Variants in NCKAP5 observed in about 807,000 individuals in gnomAD.
NCKAP5 encodes nck-associated protein 5.
Under a neutral mutation model 167.0 loss-of-function variants are expected in NCKAP5, and 92 were observed. The observed-to-expected ratio is 0.55, with a 90% confidence interval of 0.47 to 0.66. The LOEUF is 0.66. Ranked by LOEUF, NCKAP5 falls within the 30% of genes least tolerant of loss-of-function variation. The pLI, the probability that NCKAP5 is intolerant of heterozygous loss-of-function variation, is 0.00. For missense variants in NCKAP5, 2,378 were observed against 2,315.0 expected (o/e 1.03, Z -0.56); for synonymous variants, 891 against 877.4 (o/e 1.02, Z -0.27).
At chr2:133,314,994 G>A (rs1458693802) in intron 3 of NCKAP5, among the ~76,000 whole-genome samples, 1 of 152,218 alleles carries the variant, frequency 6.6e-6, no homozygotes, top group East Asian at 1.9e-4. Context: ...AGAGGCCAGT[G>A]TGGCTGGAGT....
intron 6 of NCKAP5, among the ~76,000 whole-genome samples, chr2:133,071,306 G>C (rs913347053): frequency 6.6e-6 from 1 of 151,790 alleles, no homozygotes; most frequent in African/African-American, 2.4e-5. Flanking sequence ...TTAGCCGGGC[G>C]TAGTGGCGGG....
In NCKAP5 at chr2:132,919,047, C is replaced by T. The variant is rs138764464; in HGVS notation, c.580-40131G>A. On this transcript the variant is annotated intron_variant, in intron 8 of 19. Coordinates refer to ENST00000409261, the MANE Select transcript of NCKAP5 (RefSeq NM_207363.3). ...GAATTTATTGTTTCATTTCATGGACCTACAAGCCATAGTCAAAGGGAGAAA... is the reference window on the plus strand; with the variant it reads ...GAATTTATTGTTTCATTTCATGGACTTACAAGCCATAGTCAAAGGGAGAAA... Among the ~76,000 whole-genome samples the T allele has an allele frequency of 4.6e-5, 7 of 152,268 alleles. No individual in the cohort carries two copies. In the East Asian group the frequency reaches 1.4e-3, roughly 29 times the overall value.
chr2:133,465,829 G>A (rs377515976), intron 3 of NCKAP5, among the ~76,000 whole-genome samples: 3 of 148,230 alleles, frequency 2.0e-5, no homozygotes, highest in African/African-American at 7.5e-5. Context: ...GTCTGTTCAT[G>A]TCCTTCGCCC....
At chr2:132,902,877 C>T (rs1382835625) in intron 8 of NCKAP5, among the ~76,000 whole-genome samples, 1 of 152,164 alleles carries the variant, frequency 6.6e-6, no homozygotes, top group Non-Finnish European at 1.5e-5. Context: ...TCACTTCCGC[C>T]AGATGTGACT....
chr2:133,311,360 GAGA>G (rs1681218270), intron 3 of NCKAP5, among the ~76,000 whole-genome samples: 1 of 152,232 alleles, frequency 6.6e-6, no homozygotes, highest in Non-Finnish European at 1.5e-5. Context: ...CGAGGTATGG[GAGA>G]AGGGGTTCAG....
intron 3 of NCKAP5, among the ~76,000 whole-genome samples, chr2:133,348,403 A>G (rs747571115): frequency 3.9e-5 from 6 of 152,260 alleles, no homozygotes; most frequent in East Asian, 1.9e-4. Context: ...AATATTATAC[A>G]TCACTATGCA....
chr2:133,163,908 A>G (rs1054793828), intron 5 of NCKAP5, among the ~76,000 whole-genome samples: 2 of 152,210 alleles, frequency 1.3e-5, no homozygotes, highest in African/African-American at 2.4e-5. Flanking sequence ...GTACATCTAC[A>G]CTAAATAATT....
chr2:132,807,074 T>C (rs1328366139), intron 11 of NCKAP5, among the ~76,000 whole-genome samples: 1 of 152,030 alleles, frequency 6.6e-6, no homozygotes, highest in Admixed American at 6.6e-5. Context: ...TGTTAAGTAT[T>C]TGGGTTTATT....
At chr2:132,958,161 A>G (rs1016038856) in intron 8 of NCKAP5, among the ~76,000 whole-genome samples, 37 of 152,198 alleles carry the variant, frequency 2.4e-4, no homozygotes, top group African/African-American at 8.7e-4. Flanking sequence ...GGTTACGAAC[A>G]TGAAAATAGC....
At chr2:133,467,846 T>C (rs10201102) in intron 3 of NCKAP5, among the ~76,000 whole-genome samples, 3,997 of 116,602 alleles carry the variant, frequency 0.034, 225 homozygotes, top group Non-Finnish European at 0.046. Context: ...TCTGTGGGAT[T>C]GGTGGTGATA....
chr2:133,443,610 G>T (rs767693775), intron 3 of NCKAP5, among the ~76,000 whole-genome samples: 1 of 152,104 alleles, frequency 6.6e-6, no homozygotes, highest in Admixed American at 6.5e-5. Flanking sequence ...GCCCGCAGCC[G>T]TCTCCAGCAT....
chr2:132,938,302 T>C (rs1158845573), intron 8 of NCKAP5, among the ~76,000 whole-genome samples: 1 of 151,458 alleles, frequency 6.6e-6, no homozygotes, highest in African/African-American at 2.5e-5. Context: ...CCTGGTGGAA[T>C]TTATGAACAG....
At chr2:133,576,352 T>C in the NCKAP5 span, among the ~76,000 whole-genome samples, 2 of 152,242 alleles carry the variant, frequency 1.3e-5, 1 homozygote, top group African/African-American at 4.8e-5. Flanking sequence ...GAAAATAATA[T>C]ATTACTGTGT....
At chr2:133,607,306 C>T in the NCKAP5 span, among the ~76,000 whole-genome samples, 1 of 152,152 alleles carries the variant, frequency 6.6e-6, no homozygotes, top group East Asian at 1.9e-4. Flanking sequence ...TGCTCCCTTC[C>T]CAGTCTACTG....
chr2:133,335,389 G>C (rs1683143933), intron 3 of NCKAP5, among the ~76,000 whole-genome samples: 1 of 152,156 alleles, frequency 6.6e-6, no homozygotes, highest in Non-Finnish European at 1.5e-5. Context: ...GGGTGCTTTA[G>C]CTGGGCTGGG....
At chr2:133,524,187 A>C (rs937107003) in intron 2 of NCKAP5, among the ~76,000 whole-genome samples, 3 of 152,140 alleles carry the variant, frequency 2.0e-5, no homozygotes, top group Admixed American at 6.5e-5. Flanking sequence ...ATGGAACACC[A>C]GTTTAGGAAG....
the NCKAP5 span, among the ~76,000 whole-genome samples, chr2:133,643,341 T>C: frequency 2.6e-5 from 4 of 152,206 alleles, no homozygotes; most frequent in African/African-American, 7.2e-5. Context: ...TACATTTATA[T>C]TGAATATCTG....
At chr2:133,284,334 A>G (rs904634263) in intron 4 of NCKAP5, among the ~76,000 whole-genome samples, 3 of 152,190 alleles carry the variant, frequency 2.0e-5, no homozygotes, top group Non-Finnish European at 4.4e-5. Flanking sequence ...TCTTTACCCA[A>G]CAGGAGGTAG....
intron 3 of NCKAP5, among the ~76,000 whole-genome samples, chr2:133,470,277 G>T (rs1018334442): frequency 6.6e-6 from 1 of 151,856 alleles, no homozygotes; most frequent in Admixed American, 6.6e-5. Context: ...GCCGTGTGAG[G>T]TGTCAGTGTG....
Sources: gnomAD v4.1 joint callset for allele counts (sites outside exome capture counted in the v4.1 genomes callset) on GRCh38, gnomAD v4.1.1 for gene constraint, MANE v1.5 for transcripts, NCBI Gene and HGNC (gene_info 2026-07-23, HGNC 2026-07-21) for gene names.